CCDC102A: variants seen among roughly 807,000 people sequenced by gnomAD.
The protein encoded by CCDC102A is coiled-coil domain-containing protein 102A.
Under a neutral mutation model 55.5 loss-of-function variants are expected in CCDC102A, and 40 were observed. The observed-to-expected ratio is 0.72, with a 90% CI of 0.56 to 0.94. The LOEUF (loss-of-function observed/expected upper bound fraction) is 0.94, where lower values mean the gene tolerates loss of function less well. CCDC102A is among the 40% of genes least tolerant of loss of function. CCDC102A has a pLI of 0.00. For missense variants in CCDC102A, 779 were observed against 768.6 expected (o/e 1.01, Z -0.16); for synonymous variants, 323 against 339.0 (o/e 0.95, Z 0.52).
upstream of CCDC102A, chr16:57,536,601 C>T (rs1223649584): frequency 2.6e-5 from 4 of 152,128 alleles, no homozygotes; most frequent in African/African-American, 7.2e-5. Flanking sequence ...GAGGGAGGGC[C>T]GCGGAGTCTC....
At chr16:57,527,143 C>T (rs1003929246) in intron 2 of CCDC102A, among the ~76,000 whole-genome samples, 2 of 150,028 alleles carry the variant, frequency 1.3e-5, no homozygotes, top group South Asian at 2.1e-4. Flanking sequence ...CGCTAGCCTA[C>T]GGGATGGAGG....
At chr16:57,532,885 TG>T in intron 1 of CCDC102A, among the ~76,000 whole-genome samples, 1 of 152,132 alleles carries the variant, frequency 6.6e-6, no homozygotes, top group East Asian at 1.9e-4. Flanking sequence ...GTGCTGGGTA[TG>T]GGGGCCCGGG....
chr16:57,520,939 CAAAAAA>C, intron 4 of CCDC102A, 123 bp downstream of exon 4: 2 of 505,222 alleles, frequency 4.0e-6, no homozygotes, highest in Admixed American at 3.7e-5. Context: ...GACTCTGTCT[CAAAAAA>C]AAAAAAAAAA....
intron 3 of CCDC102A, 112 bp downstream of exon 3, chr16:57,525,789 A>G (rs2032128490): frequency 6.3e-6 from 6 of 954,024 alleles, no homozygotes; most frequent in African/African-American, 1.7e-5. Context: ...CAGTTCCAAG[A>G]TACAGTCTAA....
chr16:57,512,997 TCTC>T (rs771563108), intron 8 of CCDC102A, 127 bp from the exon 9 acceptor site: 7 of 717,468 alleles, frequency 9.8e-6, no homozygotes, highest in African/African-American at 1.8e-5. Flanking sequence ...TCTCCTGTAA[TCTC>T]CTTATATGAT....
In CCDC102A at chr16:57,516,613, C is replaced by T. The variant is rs995496757; in HGVS notation, c.1249-150G>A. On this transcript the variant is annotated intron_variant, in intron 6 of 8. Transcript: ENST00000258214. This position sits in a 1 kb window ranked among gnomAD's most constrained non-coding sequence, Gnocchi z 4.4. ...CTCCATCTGTTGTCTGAAGTATCAG[C>T]AGTAGAGGTTTGGCTGAGCAGCCAG... 27 of 696,410 alleles carry T rather than the reference C, an allele frequency of 3.9e-5. No individual in the cohort carries two copies. The highest frequency in any genetic ancestry group is 6.3e-5 in the Non-Finnish European group (26 of 409,798). 43.1% of individuals were successfully genotyped at this position (696,410 alleles called of 1,614,324 possible).
At chr16:57,531,364 C>T (rs1054981540) in intron 1 of CCDC102A, among the ~76,000 whole-genome samples, 2 of 152,026 alleles carry the variant, frequency 1.3e-5, no homozygotes, top group Non-Finnish European at 2.9e-5. Flanking sequence ...CCCCACCCAC[C>T]GCCAAACCTT....
intron 1 of CCDC102A, among the ~76,000 whole-genome samples, chr16:57,534,577 G>GT (rs2032336510): frequency 6.6e-6 from 1 of 152,138 alleles, no homozygotes; most frequent in African/African-American, 2.4e-5. Flanking sequence ...AGGCACCTCC[G>GT]TGTTCTACAG....
Position 57,529,452 on chromosome 16 carries a change from C to G in CCDC102A, c.-147-128G>C, listed in dbSNP as rs1271242657. 1.5e-5 allele frequency: 3 copies of G among 198,162 alleles called. No homozygotes were observed. In the East Asian group the frequency reaches 4.1e-4, roughly 27 times the overall value. 12.3% of individuals were successfully genotyped at this position (198,162 alleles called of 1,614,324 possible). A position where few individuals can be genotyped will look rare whatever the true frequency, so the allele number is the denominator to read the frequency against. On this transcript the variant is annotated intron_variant, in intron 1 of 8. Coordinates refer to ENST00000258214, the MANE Select transcript of CCDC102A (RefSeq NM_033212.4). This position sits in a 1 kb window ranked among gnomAD's most constrained non-coding sequence, Gnocchi z 4.1. ...GAGAGAGTTCTGTTCCAGGAGAGTC[C>G]CAATGAGGCAGGATTGGTGGAGCAA...
rs775257360 is a variant in CCDC102A at position 57,518,701 on chromosome 16, C to T, written c.962G>A (p.Arg321His). The change falls in exon 5 of 9, where the codon CGC becomes CAC. Residue 321 changes from arginine to histidine, a missense_variant. Physicochemically the swap from Arg to His is conservative, Grantham distance 29. Transcript: ENST00000258214. ...CTCATCTTCCAGGTCCTCAGACATG[C>T]GGCCCAGCTCGTCCTGGTGCGCCTC... The part of the protein sequence containing the change: ...LKEAHQDELG[R>H]MSEDLEDELG... 5.6e-6 allele frequency: 9 copies of T among 1,611,512 alleles called. No individual in the cohort carries two copies. The highest frequency in any genetic ancestry group is 2.2e-5 in the East Asian group (1 of 44,788).
chr16:57,513,448 A>G (rs1325704267), intron 8 of CCDC102A, among the ~76,000 whole-genome samples: 3 of 152,186 alleles, frequency 2.0e-5, no homozygotes, highest in African/African-American at 4.8e-5. Flanking sequence ...ACTGGAAGAC[A>G]TGAATTATTA....
chr16:57,519,781 G>A (rs1446812047), intron 4 of CCDC102A, among the ~76,000 whole-genome samples: 2 of 152,220 alleles, frequency 1.3e-5, no homozygotes, highest in African/African-American at 4.8e-5. Context: ...GGGTGGAGGC[G>A]AGGTCTGGGA....
Position 57,529,279 on chromosome 16 carries a change from G to T in CCDC102A, c.-102C>A. 2 of 1,117,934 alleles carry T rather than the reference G, an allele frequency of 1.8e-6. No individual in the cohort carries two copies. Among genetic ancestry groups the T allele is most frequent in the South Asian group, 4.4e-5 (1 of 22,728 alleles). The allele number at this position is 1,117,934 out of a possible 1,614,324, so 69.3% of individuals were successfully genotyped here. ...ATACAACTGTGCATGATGACGCCGTGCCCCGCTTCCCTCTGGGCCACCGGG... is the reference window on the plus strand; with the variant it reads ...ATACAACTGTGCATGATGACGCCGTTCCCCGCTTCCCTCTGGGCCACCGGG... On this transcript the variant is annotated 5_prime_UTR_variant, in exon 2 of 9. Transcript: ENST00000258214. This position sits in a 1 kb window ranked among gnomAD's most constrained non-coding sequence, Gnocchi z 4.1.
intron 3 of CCDC102A, among the ~76,000 whole-genome samples, chr16:57,521,865 C>CCT (rs1406505689): frequency 6.6e-6 from 1 of 152,186 alleles, no homozygotes. Context: ...ACCACACTGG[C>CCT]CTCTCTCTCT....
intron 2 of CCDC102A, among the ~76,000 whole-genome samples, chr16:57,527,032 G>A (rs1036117312): frequency 6.6e-6 from 1 of 152,228 alleles, no homozygotes; most frequent in African/African-American, 2.4e-5. Context: ...ACTGGAATAA[G>A]GATAGGACAG....
At chr16:57,536,004 C>G (rs1312461166) in intron 1 of CCDC102A, among the ~76,000 whole-genome samples, 7 of 152,214 alleles carry the variant, frequency 4.6e-5, no homozygotes, top group Non-Finnish European at 1.5e-5. Context: ...CCCGCTCCAC[C>G]TAGCGACGGG....
At chr16:57,533,826 C>T (rs192557342) in intron 1 of CCDC102A, among the ~76,000 whole-genome samples, 2 of 152,302 alleles carry the variant, frequency 1.3e-5, no homozygotes, top group African/African-American at 4.8e-5. Context: ...GGCTTACAGT[C>T]GTGGAGATGC....
At position 57,525,962 on chromosome 16, in the gene CCDC102A, T is replaced by TG. The variant is rs1297837094; in HGVS notation, c.750dup (p.Lys251GlnfsTer11). 1 of 1,612,556 alleles carries TG rather than the reference T, an allele frequency of 6.2e-7. No individual in the cohort carries two copies. Among genetic ancestry groups the TG allele is most frequent in the Admixed American group, 1.7e-5 (1 of 59,662 alleles). ...AGCCGTAGCCGCAGGGCGGTCAACT[T>TG]GGAGGCCTCCTCCTCCGTGGCAGCT... is the stretch of plus-strand genomic sequence containing the variant. On this transcript the variant is annotated frameshift_variant, in exon 3 of 9. Transcript: ENST00000258214. LOFTEE classifies it high-confidence loss of function.
Position 57,526,008 on chromosome 16 carries a change from G to C in CCDC102A, c.705C>G (p.Ser235Arg). ...CAGCTGTGTCCTCCCAGGGTAGCCG[G>C]CTGCGCTCCTGGCGGCCTGAGCTGC... is the stretch of plus-strand genomic sequence containing the variant. ...PRGSSGRQERSRLPWEDTAAT... is the reference protein window; with the variant it reads ...PRGSSGRQERRRLPWEDTAAT... The change falls in exon 3 of 9, where the codon AGC becomes AGG. Residue 235 changes from serine to arginine, a missense_variant. Transcript: ENST00000258214. 6.2e-7 allele frequency: 1 copy of C among 1,606,748 alleles called. No homozygotes were observed. Among genetic ancestry groups the C allele is most frequent in the Non-Finnish European group, 8.5e-7 (1 of 1,177,310 alleles).
Sources: allele counts gnomAD v4.1 joint callset (sites outside exome capture counted in the v4.1 genomes callset), GRCh38; gene constraint gnomAD v4.1.1; non-coding constraint Gnocchi (gnomAD v3.1); transcripts MANE v1.5; gene names NCBI Gene and HGNC (gene_info 2026-07-23, HGNC 2026-07-21).